The following HSPG2 variants were observed in gnomAD, a reference collection of about 807,000 sequenced individuals.
HSPG2 encodes heparan sulfate proteoglycan 2.
In HSPG2, 278 loss-of-function variants were observed where a neutral mutation model predicts 526.6. The observed-to-expected ratio is 0.53, with a 90% confidence interval of 0.48 to 0.58. The LOEUF (loss-of-function observed/expected upper bound fraction) is 0.58. Ranked by LOEUF, HSPG2 falls within the 20% of genes least tolerant of loss-of-function variation. The pLI is 0.00. For missense variants in HSPG2, 5,354 were observed against 6,099.5 expected (o/e 0.88, Z 4.07); for synonymous variants, 2,465 against 2,555.4 (o/e 0.96, Z 1.07).
rs112371563 is a variant in HSPG2 at position 21,907,543 on chromosome 1, AT to A, written c.64-11234del. 1.3e-3 allele frequency among the ~76,000 whole-genome samples: 195 copies of A among 151,452 alleles called. 1 individual carries two copies. The highest frequency in any genetic ancestry group is 4.2e-3 in the African/African-American group (174 of 41,304). ...ACTCACTTTCATCAAAACACATCCA[AT>A]TTTTTTTTAACAGGGTTCTGCTCTG... On this transcript the variant is annotated intron_variant, in intron 1 of 96. Transcript: ENST00000374695.
chr1:21,874,758 G>C, intron 26 of HSPG2, 29 bp from the exon 27 acceptor site: 1 of 1,564,960 alleles, frequency 6.4e-7, no homozygotes, highest in East Asian at 2.3e-5. Flanking sequence ...CAGTGGGAGG[G>C]ACTTCCGAAC....
intron 74 of HSPG2, among the ~76,000 whole-genome samples, chr1:21,837,512 C>T (rs1383936745): frequency 6.6e-6 from 1 of 151,200 alleles, no homozygotes; most frequent in African/African-American, 2.4e-5. Context: ...TGGTCTCAAA[C>T]TCCTGAGCTC....
At chr1:21,876,760 A>G in intron 21 of HSPG2, 108 bp from the exon 22 acceptor site, 1 of 1,477,442 alleles carries the variant, frequency 6.8e-7, no homozygotes. Context: ...CAGGGGAGCC[A>G]CTGAAAGAGC....
At chr1:21,884,232 T>C (rs532723518) in intron 13 of HSPG2, among the ~76,000 whole-genome samples, 43 of 152,162 alleles carry the variant, frequency 2.8e-4, no homozygotes, top group Admixed American at 1.2e-3. Flanking sequence ...AGTGGGTAAC[T>C]TGACCCAGGA....
intron 67 of HSPG2, 92 bp from the exon 68 acceptor site, chr1:21,842,472 C>T: frequency 7.1e-7 from 1 of 1,403,172 alleles, no homozygotes; most frequent in Non-Finnish European, 9.5e-7. Context: ...CAAGAGTTCT[C>T]TCGGAAGCTC....
intron 1 of HSPG2, among the ~76,000 whole-genome samples, chr1:21,931,617 G>A (rs913513167): frequency 3.3e-5 from 5 of 152,138 alleles, no homozygotes; most frequent in African/African-American, 1.2e-4. Flanking sequence ...AAGGGGAGGG[G>A]GGCAACAGGC....
chr1:21,936,558 G>A (rs1414624145), intron 1 of HSPG2, among the ~76,000 whole-genome samples: 1 of 152,164 alleles, frequency 6.6e-6, no homozygotes, highest in African/African-American at 2.4e-5. Flanking sequence ...GCGTGCCCCA[G>A]GTCACACAGT....
At chr1:21,857,627 C>T (rs1340444671) in intron 42 of HSPG2, among the ~76,000 whole-genome samples, 1 of 152,068 alleles carries the variant, frequency 6.6e-6, no homozygotes, top group African/African-American at 2.4e-5. Context: ...CCACTTGGCT[C>T]CAGTTCCTGA....
chr1:21,856,907 G>T, intron 44 of HSPG2, 108 bp downstream of exon 44: 1 of 1,189,586 alleles, frequency 8.4e-7, no homozygotes, highest in Non-Finnish European at 1.3e-6. Flanking sequence ...GACCAGGCAT[G>T]CAGCAGGTGC....
In HSPG2 at chr1:21,831,685, C is replaced by T. The variant is rs778482217; in HGVS notation, c.11319G>A (p.Val3773=). 6.2e-7 allele frequency: 1 copy of T among 1,605,792 alleles called. No individual in the cohort carries two copies. Among genetic ancestry groups the T allele is most frequent in the African/African-American group, 1.3e-5 (1 of 74,834 alleles). The change falls in exon 82 of 97, where the codon GTG becomes GTA. Residue 3773 remains valine (V), a synonymous_variant. Coordinates refer to ENST00000374695, the MANE Select transcript of HSPG2 (RefSeq NM_005529.7). ...TCCCATTGACCGGGGCCAGGTCACC[C>T]ACAATCAGGGAGCCCTGGGTGAGGC... ...LRSLTQGSLI[V]GDLAPVNGTS... is the part of the protein sequence containing the mutation.
rs2097995742 is a variant in HSPG2 at position 21,830,092 on chromosome 1, C to G, written c.11672-1G>C. On this transcript the variant is annotated splice_acceptor_variant, in intron 85 of 96. Transcript: ENST00000374695. LOFTEE classifies it high-confidence loss of function. ...CAGGTGGCGTCGGGCCCACAGGCCT[C>G]TGGGGGGCACATAGGCCAGTGAAAA... 6.3e-7 allele frequency: 1 copy of G among 1,590,790 alleles called. No individual in the cohort carries two copies. The highest frequency in any genetic ancestry group is 1.3e-5 in the African/African-American group (1 of 74,662).
rs1250900091 is a variant in HSPG2, at chr1:21,853,047, G to A, written c.6463C>T (p.Arg2155Cys). The A allele has an allele frequency of 5.6e-6, 9 of 1,613,814 alleles. No homozygotes were observed. The highest frequency in any genetic ancestry group is 1.6e-4 in the Middle Eastern group (1 of 6,084). Residue 2155 changes from arginine (R) to cysteine (C), a missense_variant, in exon 51 of 97, where the codon CGC becomes TGC. Transcript: ENST00000374695. ...ACGTGTGAGGAGGAGGGCTCGATGC[G>A]GATGGGCCGGGTGCTGCCGGGCACT... ...TPVPGSTRPI[R>C]IEPSSSHVAE...
chr1:21,833,335 C>G lies in HSPG2; in HGVS notation c.11028G>C (p.Leu3676=). ...TCCTGTAGGCATCCTTGATGGTGGG[C>G]AGCGGTAGGAAGGAGTAGGGGGTCT... ...FTQTPYSFLP[L]PTIKDAYRKF... is the part of the protein sequence containing the mutation. Residue 3676 remains leucine (L), a synonymous_variant, in exon 80 of 97, where the codon CTG becomes CTC. Coordinates refer to ENST00000374695, the MANE Select transcript of HSPG2 (RefSeq NM_005529.7). The G allele has an allele frequency of 6.2e-7, 1 of 1,614,094 alleles. No individual in the cohort carries two copies. The highest frequency in any genetic ancestry group is 1.1e-5 in the South Asian group (1 of 91,082).
chr1:21,833,864 G>T lies in HSPG2; in HGVS notation c.10782C>A (p.Phe3594Leu), dbSNP rs768692139. The change falls in exon 78 of 97, where the codon TTC becomes TTA. Residue 3594 changes from phenylalanine to leucine, a missense_variant. Physicochemically the swap from Phe to Leu is conservative, Grantham distance 22. Transcript: ENST00000374695. ...VRVPAGSAAV[F>L]PCIASGYPTP... is the part of the protein sequence containing the mutation. ...TGGGGTAGCCTGAGGCTATGCAGGG[G>T]AAGACAGCTGCAGAACCAGCAGGCA... 11 of 1,605,030 alleles carry T rather than the reference G, an allele frequency of 6.9e-6. No individual in the cohort carries two copies. In the South Asian group the frequency reaches 7.9e-5, roughly 11 times the overall value.
In HSPG2 at chr1:21,880,211, C is replaced by T; in HGVS notation, c.2239G>A (p.Ala747Thr). ...CCACCAGGCACCCGAGTGAAGTGGG[C>T]ATCACAGCTCTCGCAGGACAAGCCA... ...YSGLSCESCDAHFTRVPGGPY... is the reference protein window; with the variant it reads ...YSGLSCESCDTHFTRVPGGPY... Residue 747 changes from alanine (A) to threonine (T), a missense_variant, in exon 17 of 97, where the codon GCC (alanine) becomes ACC (threonine). Ala to Thr is a moderately conservative substitution (Grantham distance 58). Coordinates refer to ENST00000374695, the MANE Select transcript of HSPG2 (RefSeq NM_005529.7). 2 of 1,614,186 alleles carry T rather than the reference C, an allele frequency of 1.2e-6. No homozygotes were observed. The highest frequency in any genetic ancestry group is 1.7e-6 in the Non-Finnish European group (2 of 1,180,046).
In HSPG2 at chr1:21,878,501, A is replaced by G. The variant is rs771892915; in HGVS notation, c.2559-10T>C. On this transcript the variant is annotated splice_polypyrimidine_tract_variant and intron_variant, in intron 19 of 96. Coordinates refer to ENST00000374695, the MANE Select transcript of HSPG2 (RefSeq NM_005529.7). ...GTATCCGGGGGCACAGCTAGGGGAG[A>G]GAGGGGGCCGCCATCAGCACTTCCA... 6.2e-7 allele frequency: 1 copy of G among 1,613,044 alleles called. No homozygotes were observed. The highest frequency in any genetic ancestry group is 8.5e-7 in the Non-Finnish European group (1 of 1,179,674).
At position 21,890,573 on chromosome 1, in the gene HSPG2, C is replaced by G. The variant is rs1313329387; in HGVS notation, c.354+12G>C. 1 of 1,611,270 alleles carries G rather than the reference C, an allele frequency of 6.2e-7. No homozygotes were observed. Among genetic ancestry groups the G allele is most frequent in the Non-Finnish European group, 8.5e-7 (1 of 1,177,380 alleles). ...CCACACCCGCGAGCTTCCCAAACCC[C>G]CTTCACCTCACCGTGTCTACCACAG... On this transcript the variant is annotated intron_variant, in intron 4 of 96. Transcript: ENST00000374695. This position sits in a 1 kb window ranked among gnomAD's most constrained non-coding sequence, Gnocchi z 4.1.
At chr1:21,845,244 T>C (rs1214735248) in intron 64 of HSPG2, among the ~76,000 whole-genome samples, 1 of 152,092 alleles carries the variant, frequency 6.6e-6, no homozygotes, top group African/African-American at 2.4e-5. Context: ...AGACTCCGTC[T>C]CAAAACAAAA....
rs952125314 is a variant in HSPG2 at position 21,873,157 on chromosome 1, T to A, written c.3794-66A>T. On this transcript the variant is annotated intron_variant, in intron 30 of 96. Coordinates refer to ENST00000374695, the MANE Select transcript of HSPG2 (RefSeq NM_005529.7). ...CACCCAGCACCCCTCTTCCCTCCAC[T>A]CTGCTCACCACTGAGCGGGAGCTCT... The A allele has an allele frequency of 2.2e-6, 3 of 1,364,970 alleles. No homozygotes were observed. In the African/African-American group the frequency reaches 4.3e-5, roughly 19 times the overall value. The allele number at this position is 1,364,970 out of a possible 1,614,324, so 84.6% of individuals were successfully genotyped here. A position where few individuals can be genotyped will look rare whatever the true frequency, so the allele number is the denominator to read the frequency against.
Sources: gnomAD v4.1 joint callset for allele counts (sites outside exome capture counted in the v4.1 genomes callset) on GRCh38, gnomAD v4.1.1 for gene constraint, Gnocchi (gnomAD v3.1) non-coding constraint, MANE v1.5 for transcripts, NCBI Gene and HGNC (gene_info 2026-07-23, HGNC 2026-07-21) for gene names.